Variants in CIMAP1D observed in about 807,000 individuals in gnomAD.
The protein encoded by CIMAP1D is CIMAP1 family member D, also known as protein CIMAP1D.
At chr19:484,139 CTT>C in the CIMAP1D span, among the ~76,000 whole-genome samples, 92 of 129,408 alleles carry the variant, frequency 7.1e-4, no homozygotes, top group East Asian at 1.3e-3. Context: ...TTTTCTTTTT[CTT>C]TTTTTTTTTT....
the CIMAP1D span, among the ~76,000 whole-genome samples, chr19:486,186 A>G: frequency 9.2e-5 from 14 of 152,160 alleles, no homozygotes; most frequent in Admixed American, 6.5e-4. Context: ...CAGAGGAAGG[A>G]AGGGCTTGTA....
the CIMAP1D span, chr19:464,052 G>A: frequency 1.9e-6 from 3 of 1,588,370 alleles, no homozygotes; most frequent in Admixed American, 1.8e-5. Context: ...CATGGTGAAG[G>A]CAGGCAGGCG....
At chr19:477,840 G>T in the CIMAP1D span, among the ~76,000 whole-genome samples, 2 of 152,100 alleles carry the variant, frequency 1.3e-5, no homozygotes, top group Admixed American at 1.3e-4. Flanking sequence ...GGCCCTGCAC[G>T]GCCTCGTCTC....
At chr19:484,270 A>T in the CIMAP1D span, among the ~76,000 whole-genome samples, 1 of 150,936 alleles carries the variant, frequency 6.6e-6, no homozygotes, top group African/African-American at 2.4e-5. Flanking sequence ...CCTCCTGAGT[A>T]GCTGGGATTA....
chr19:483,925 C>T, the CIMAP1D span, among the ~76,000 whole-genome samples: 1 of 152,114 alleles, frequency 6.6e-6, no homozygotes, highest in Non-Finnish European at 1.5e-5. Flanking sequence ...GGACGGTGCA[C>T]TCATGAGACC....
the CIMAP1D span, among the ~76,000 whole-genome samples, chr19:487,213 G>A: frequency 6.6e-6 from 1 of 152,132 alleles, no homozygotes; most frequent in Non-Finnish European, 1.5e-5. Context: ...GAAGTTCGCG[G>A]CGATCTGTGA....
chr19:480,680 GA>G, the CIMAP1D span, among the ~76,000 whole-genome samples: 4 of 150,526 alleles, frequency 2.7e-5, no homozygotes, highest in Middle Eastern at 3.4e-3. Context: ...AAGGATGATG[GA>G]GAACGATGAT....
At chr19:491,600 C>A in the CIMAP1D span, among the ~76,000 whole-genome samples, 1 of 151,866 alleles carries the variant, frequency 6.6e-6, no homozygotes. Context: ...GGGCCCCAGG[C>A]CTCGCCGCTT....
the CIMAP1D span, among the ~76,000 whole-genome samples, chr19:469,959 C>A: frequency 1.1e-5 from 1 of 88,912 alleles, no homozygotes; most frequent in African/African-American, 5.4e-5. Context: ...CATCACTCAT[C>A]TCAAGGCCTC....
At chr19:480,406 C>T in the CIMAP1D span, among the ~76,000 whole-genome samples, 1 of 151,972 alleles carries the variant, frequency 6.6e-6, no homozygotes, top group African/African-American at 2.4e-5. Flanking sequence ...GAGAGGGCGT[C>T]ACATGCTGGG....
At chr19:481,560 G>A in the CIMAP1D span, among the ~76,000 whole-genome samples, 1 of 149,920 alleles carries the variant, frequency 6.7e-6, no homozygotes, top group African/African-American at 2.5e-5. Flanking sequence ...GAAGGATGAT[G>A]GGAAGGATGG....
chr19:484,466 C>G, the CIMAP1D span, among the ~76,000 whole-genome samples: 1 of 152,282 alleles, frequency 6.6e-6, no homozygotes, highest in East Asian at 1.9e-4. Context: ...GACACAGGGT[C>G]TCATTCTGTG....
chr19:485,361 C>T, the CIMAP1D span, among the ~76,000 whole-genome samples: 3 of 152,234 alleles, frequency 2.0e-5, no homozygotes, highest in Non-Finnish European at 4.4e-5. Flanking sequence ...TCCCAAACAC[C>T]GCCTGCCCAG....
At chr19:466,125 G>GTGGGTGGATGGATGAGTGAATGGA in the CIMAP1D span, among the ~76,000 whole-genome samples, 2 of 144,088 alleles carry the variant, frequency 1.4e-5, no homozygotes, top group Admixed American at 1.4e-4. Flanking sequence ...AGATGGGTGG[G>GTGGGTGGATGGATGAGTGAATGGA]TGGGTGGATG....
the CIMAP1D span, chr19:474,608 G>A: frequency 1.2e-5 from 18 of 1,511,164 alleles, no homozygotes; most frequent in South Asian, 2.5e-5. Flanking sequence ...CATCCCCCAC[G>A]GCTGGCACGC....
At chr19:487,019 T>C in the CIMAP1D span, among the ~76,000 whole-genome samples, 83 of 152,270 alleles carry the variant, frequency 5.5e-4, no homozygotes, top group Middle Eastern at 0.01. Context: ...CCCAAAGTGC[T>C]GGGATTACAG....
the CIMAP1D span, among the ~76,000 whole-genome samples, chr19:471,403 C>T: frequency 6.6e-6 from 1 of 151,704 alleles, no homozygotes. Context: ...CCGCCTCGGC[C>T]TCCCAAAGTG....
At chr19:483,918 C>T in the CIMAP1D span, among the ~76,000 whole-genome samples, 16 of 152,230 alleles carry the variant, frequency 1.1e-4, no homozygotes, top group South Asian at 2.1e-4. Context: ...GGGAAGGGGA[C>T]GGTGCACTCA....
chr19:479,403 T>G, the CIMAP1D span, among the ~76,000 whole-genome samples: 1 of 50,188 alleles, frequency 2.0e-5, no homozygotes, highest in African/African-American at 6.4e-5. Context: ...TTTCTCTTTT[T>G]TTTTTTTTGG....
Sources: gnomAD v4.1 joint callset for allele counts (sites outside exome capture counted in the v4.1 genomes callset) on GRCh38, gnomAD v4.1.1 for gene constraint, MANE v1.5 for transcripts, NCBI Gene and HGNC (gene_info 2026-07-23, HGNC 2026-07-21) for gene names.